Variants in RELL1 observed in about 807,000 individuals in gnomAD.
RELL1 encodes RELT like 1.
Under a neutral mutation model 23.0 loss-of-function variants are expected in RELL1, and 10 were observed. That is an observed-to-expected ratio of 0.43 (90% CI 0.27 to 0.74). The LOEUF (loss-of-function observed/expected upper bound fraction) is 0.74. Ranked by LOEUF, RELL1 falls within the 30% of genes least tolerant of loss-of-function variation. The pLI is 0.19. For missense variants in RELL1, 315 were observed against 364.4 expected, an observed-to-expected ratio of 0.86 and a Z score of 1.10; for synonymous variants, 146 against 146.8, an observed-to-expected ratio of 0.99 and a Z score of 0.04.
chr4:37,645,590 A>C (rs966237596), intron 3 of RELL1, among the ~76,000 whole-genome samples: 3 of 152,212 alleles, frequency 2.0e-5, no homozygotes, highest in African/African-American at 7.2e-5. Flanking sequence ...ACTGCATATT[A>C]GAAGACAGGA....
At chr4:37,682,025 A>G (rs1722245189) in intron 1 of RELL1, among the ~76,000 whole-genome samples, 2 of 152,256 alleles carry the variant, frequency 1.3e-5, no homozygotes, top group Non-Finnish European at 2.9e-5. Context: ...AATGGACTCC[A>G]TGACAAAATC....
Position 37,630,356 on chromosome 4 carries a change from G to GTTTTTTTTTTTTT in RELL1, c.*3+1016_*3+1028dup. On this transcript the variant is annotated intron_variant, in intron 6 of 6. Coordinates refer to ENST00000454158, the MANE Select transcript of RELL1 (RefSeq NM_001085400.2). Reference sequence around the variant, plus strand: ...CAGGGTTCTGGTGCGTGTGTGTGTGGTTTTTTTTTTTTTTTTTTTTTTTTT... The same window carrying GTTTTTTTTTTTTT: ...CAGGGTTCTGGTGCGTGTGTGTGTGGTTTTTTTTTTTTTTTTTTTTTTTTTTTTTTTTTTTTTT... Among the ~76,000 whole-genome samples, 81 of 86,742 alleles carry GTTTTTTTTTTTTT rather than the reference G, an allele frequency of 9.3e-4. 12 individuals are homozygous for GTTTTTTTTTTTTT. The highest frequency in any genetic ancestry group is 3.9e-3 in the African/African-American group (80 of 20,770). The allele number at this position is 86,742 out of a possible 152,430, so 56.9% of individuals were successfully genotyped here. A position where few individuals can be genotyped will look rare whatever the true frequency, so the allele number is the denominator to read the frequency against.
chr4:37,624,389 G>A (rs1294325357), intron 6 of RELL1, among the ~76,000 whole-genome samples: 1 of 150,630 alleles, frequency 6.6e-6, no homozygotes, highest in African/African-American at 2.4e-5. Flanking sequence ...TCCACCTCTT[G>A]GAAGAAGGAA....
At chr4:37,606,447 G>T (rs1435738832), downstream of RELL1, among the ~76,000 whole-genome samples, 1 of 152,170 alleles carries the variant, frequency 6.6e-6, no homozygotes, top group Non-Finnish European at 1.5e-5. This position sits in a 1 kb window ranked among gnomAD's most constrained non-coding sequence, Gnocchi z 4.1. Flanking sequence ...GAGACCTGTG[G>T]ATATGACCTT....
At chr4:37,682,852 G>A (rs141247740) in intron 1 of RELL1, among the ~76,000 whole-genome samples, 109 of 152,278 alleles carry the variant, frequency 7.2e-4, no homozygotes, top group African/African-American at 2.5e-3. Flanking sequence ...CATCTCACCA[G>A]CCCCAGGACC....
chr4:37,640,494 T>C (rs1350431754), intron 3 of RELL1, among the ~76,000 whole-genome samples: 1 of 152,244 alleles, frequency 6.6e-6, no homozygotes, highest in Non-Finnish European at 1.5e-5. Flanking sequence ...TATTTTATTG[T>C]ATACAAAATA....
chr4:37,615,634 T>A (rs1719550517), intron 6 of RELL1, among the ~76,000 whole-genome samples: 1 of 152,186 alleles, frequency 6.6e-6, no homozygotes, highest in Non-Finnish European at 1.5e-5. Context: ...GGCCTATCTC[T>A]CTTCGGGAGA....
chr4:37,598,621 A>G (rs1718939908), intron 6 of RELL1, among the ~76,000 whole-genome samples: 2 of 151,986 alleles, frequency 1.3e-5, no homozygotes, highest in South Asian at 4.1e-4. Flanking sequence ...CAGCTAAATA[A>G]CTCATCCAGA....
intron 3 of RELL1, among the ~76,000 whole-genome samples, chr4:37,646,841 C>T (rs550601434): frequency 6.6e-6 from 1 of 152,254 alleles, no homozygotes; most frequent in East Asian, 1.9e-4. Context: ...GATCCTCCCA[C>T]GTCAGCCTCC....
At chr4:37,669,181 TGGG>T (rs533323150) in intron 1 of RELL1, among the ~76,000 whole-genome samples, 14 of 80,970 alleles carry the variant, frequency 1.7e-4, no homozygotes, top group African/African-American at 5.7e-4. Flanking sequence ...GGGAGGGAGG[TGGG>T]GGGGGGGGTC....
intron 4 of RELL1, among the ~76,000 whole-genome samples, chr4:37,636,322 G>A (rs1179275195): frequency 6.6e-6 from 1 of 152,160 alleles, no homozygotes; most frequent in Non-Finnish European, 1.5e-5. Context: ...ATGGCCAGGC[G>A]TGGTGGCTCA....
chr4:37,648,222 C>G (rs904234630), intron 2 of RELL1, among the ~76,000 whole-genome samples: 6 of 152,226 alleles, frequency 3.9e-5, no homozygotes, highest in African/African-American at 1.4e-4. Context: ...GCTAAGCCAA[C>G]CTACAGAGCA....
At chr4:37,622,631 TAAC>T (rs1283107011) in intron 6 of RELL1, among the ~76,000 whole-genome samples, 1 of 152,152 alleles carries the variant, frequency 6.6e-6, no homozygotes, top group Admixed American at 6.6e-5. Context: ...ACAACACATG[TAAC>T]AACACACACT....
At chr4:37,660,624 G>T (rs910962792) in intron 1 of RELL1, among the ~76,000 whole-genome samples, 1 of 152,210 alleles carries the variant, frequency 6.6e-6, no homozygotes, top group African/African-American at 2.4e-5. Context: ...AAGCTCGGGG[G>T]AAGTCACATC....
intron 1 of RELL1, among the ~76,000 whole-genome samples, chr4:37,680,390 T>G (rs1408444295): frequency 1.3e-5 from 2 of 152,196 alleles, no homozygotes; most frequent in East Asian, 3.8e-4. Context: ...CAAAGTTTCA[T>G]GCACAGAGGC....
rs532529352 is a variant in RELL1 at position 37,630,145 on chromosome 4, T to G, written c.*3+1240A>C. On this transcript the variant is annotated intron_variant, in intron 6 of 6. Coordinates refer to ENST00000454158, the MANE Select transcript of RELL1 (RefSeq NM_001085400.2). ...GCCCGCCCTCCCTTCCCTATGTAAG[T>G]GTAAACTCTTCTGCCTTCATGTTCA... Among the ~76,000 whole-genome samples, 14 of 151,174 alleles carry G rather than the reference T, an allele frequency of 9.3e-5. No individual in the cohort carries two copies. The East Asian group carries it at 2.8e-3, about 30-fold the overall frequency.
intron 1 of RELL1, among the ~76,000 whole-genome samples, chr4:37,673,207 TGAGACAGG>T (rs1577608358): frequency 1.7e-4 from 24 of 140,148 alleles, no homozygotes; most frequent in South Asian, 2.4e-4. Context: ...TTTTTTTTTT[TGAGACAGG>T]GTTTCACTCT....
chr4:37,639,258 C>G (rs1720438396), intron 3 of RELL1, among the ~76,000 whole-genome samples: 1 of 151,894 alleles, frequency 6.6e-6, no homozygotes, highest in Non-Finnish European at 1.5e-5. Context: ...GTGGCAGGCA[C>G]CTGTAGTCCC....
chr4:37,616,778 T>A (rs764089616), intron 6 of RELL1, among the ~76,000 whole-genome samples: 1 of 152,232 alleles, frequency 6.6e-6, no homozygotes, highest in South Asian at 2.1e-4. Flanking sequence ...TAATCTGTGC[T>A]CCTTTAAGGC....
Sources: allele counts gnomAD v4.1 joint callset (sites outside exome capture counted in the v4.1 genomes callset), GRCh38; gene constraint gnomAD v4.1.1; non-coding constraint Gnocchi (gnomAD v3.1); transcripts MANE v1.5; gene names NCBI Gene and HGNC (gene_info 2026-07-23, HGNC 2026-07-21).